Variants in CFAP299 observed in about 807,000 individuals in gnomAD.
The protein encoded by CFAP299 is cilia and flagella associated protein 299, also known as cilia- and flagella-associated protein 299.
A neutral mutation model predicts 27.0 loss-of-function variants in CFAP299; 21 were observed. The ratio of observed to expected loss-of-function variants is 0.78; its 90% CI spans 0.55 to 1.12. The LOEUF (loss-of-function observed/expected upper bound fraction) is 1.12, where lower values mean the gene tolerates loss of function less well. Ranked by LOEUF, CFAP299 falls within the 50% of genes most tolerant of loss-of-function variation. The pLI is 0.00. For missense variants in CFAP299, 310 were observed against 276.6 expected (o/e 1.12, Z -0.86); for synonymous variants, 104 against 98.1 (o/e 1.06, Z -0.36).
At chr4:80,696,768 A>T (rs757376936) in intron 3 of CFAP299, among the ~76,000 whole-genome samples, 10 of 152,202 alleles carry the variant, frequency 6.6e-5, no homozygotes, top group Non-Finnish European at 1.3e-4. Flanking sequence ...AACAATGGAA[A>T]GTACGAAGAC....
chr4:80,472,151 A>G (rs1321776818), intron 2 of CFAP299, among the ~76,000 whole-genome samples: 1 of 152,198 alleles, frequency 6.6e-6, no homozygotes, highest in Non-Finnish European at 1.5e-5. Flanking sequence ...AGTTGTTTTC[A>G]TGTAACTTTT....
At chr4:80,345,893 A>C (rs1375916404) in intron 1 of CFAP299, among the ~76,000 whole-genome samples, 1 of 152,218 alleles carries the variant, frequency 6.6e-6, no homozygotes. Context: ...TCCCACCAAC[A>C]GTGTAAAAGC....
intron 3 of CFAP299, among the ~76,000 whole-genome samples, chr4:80,759,265 C>T (rs1725421126): frequency 6.6e-6 from 1 of 152,022 alleles, no homozygotes. Context: ...ACCTGGTCTT[C>T]AAGGCAATCA....
intron 2 of CFAP299, among the ~76,000 whole-genome samples, chr4:80,575,029 A>G (rs2109859632): frequency 6.6e-6 from 1 of 152,228 alleles, no homozygotes; most frequent in African/African-American, 2.4e-5. Context: ...TAGTTTGAGT[A>G]GGATTGGTAT....
chr4:80,381,047 C>T (rs533577675), intron 2 of CFAP299, among the ~76,000 whole-genome samples: 2 of 152,246 alleles, frequency 1.3e-5, no homozygotes, highest in South Asian at 4.1e-4. Context: ...TCCACTACTT[C>T]AATATGTCAC....
At chr4:80,678,844 C>T (rs1429236330) in intron 3 of CFAP299, among the ~76,000 whole-genome samples, 1 of 152,018 alleles carries the variant, frequency 6.6e-6, no homozygotes, top group Non-Finnish European at 1.5e-5. Flanking sequence ...CCATTGACAA[C>T]ATCTTGTATA....
chr4:80,480,281 A>C (rs1730493566), intron 2 of CFAP299, among the ~76,000 whole-genome samples: 1 of 151,930 alleles, frequency 6.6e-6, no homozygotes, highest in Admixed American at 6.6e-5. Context: ...TTTTTTTTAA[A>C]GAGTTTATTT....
At chr4:80,690,835 G>C (rs998867890) in intron 3 of CFAP299, among the ~76,000 whole-genome samples, 108 of 150,154 alleles carry the variant, frequency 7.2e-4, no homozygotes, top group African/African-American at 2.3e-3. Context: ...GAATCAAATA[G>C]ACGCAATAAA....
At chr4:80,470,427 C>G (rs993199771) in intron 2 of CFAP299, among the ~76,000 whole-genome samples, 1 of 151,604 alleles carries the variant, frequency 6.6e-6, no homozygotes, top group Non-Finnish European at 1.5e-5. Context: ...TTTAATAAAT[C>G]AAATTCATGT....
rs1018223399 is a variant in CFAP299 at position 80,708,122 on chromosome 4, G to A, written c.333+124939G>A. Among the ~76,000 whole-genome samples, 4 of 151,998 alleles carry A rather than the reference G, an allele frequency of 2.6e-5. No individual in the cohort carries two copies. In the East Asian group the frequency reaches 7.7e-4, roughly 29 times the overall value. ...ATATCCAGGCTGCATCGGTTCAACA[G>A]CAAGTGCAACTCTTGGCATGTTTTC... On this transcript the variant is annotated intron_variant, in intron 3 of 5. Coordinates refer to ENST00000358105, the MANE Select transcript of CFAP299 (RefSeq NM_152770.3).
At chr4:80,793,959 A>ACC (rs1460431683) in intron 3 of CFAP299, among the ~76,000 whole-genome samples, 2 of 152,162 alleles carry the variant, frequency 1.3e-5, no homozygotes, top group East Asian at 3.9e-4. Context: ...AATGACCCAA[A>ACC]CCTTCATTCC....
intron 2 of CFAP299, among the ~76,000 whole-genome samples, chr4:80,530,301 C>T (rs2110186385): frequency 1.3e-5 from 2 of 152,130 alleles, no homozygotes; most frequent in South Asian, 2.1e-4. Flanking sequence ...AAATATTATA[C>T]ATTTTATATG....
At chr4:80,651,761 T>A (rs945888794) in intron 3 of CFAP299, among the ~76,000 whole-genome samples, 3 of 150,064 alleles carry the variant, frequency 2.0e-5, no homozygotes, top group African/African-American at 7.4e-5. Flanking sequence ...TGGTGGACTA[T>A]AATAAATAGG....
chr4:80,406,364 T>C (rs1179026532), intron 2 of CFAP299, among the ~76,000 whole-genome samples: 20 of 152,150 alleles, frequency 1.3e-4, no homozygotes. Context: ...AAACCTTTTT[T>C]AAGTGTAATT....
At chr4:80,553,465 C>G (rs1355187492) in intron 2 of CFAP299, among the ~76,000 whole-genome samples, 1 of 152,170 alleles carries the variant, frequency 6.6e-6, no homozygotes, top group Non-Finnish European at 1.5e-5. Flanking sequence ...GCAGTAAAAA[C>G]ACTGTCGTGT....
chr4:80,552,499 T>C (rs949529779), intron 2 of CFAP299, among the ~76,000 whole-genome samples: 3 of 152,150 alleles, frequency 2.0e-5, no homozygotes, highest in Non-Finnish European at 2.9e-5. Flanking sequence ...AAATGAGTGG[T>C]TTATTTTATT....
intron 4 of CFAP299, among the ~76,000 whole-genome samples, chr4:80,937,036 T>C (rs971384220): frequency 6.6e-6 from 1 of 151,990 alleles, no homozygotes; most frequent in African/African-American, 2.4e-5. Context: ...TCCAATGATA[T>C]AAGTGGGGTG....
chr4:80,744,537 C>T (rs977673510), intron 3 of CFAP299, among the ~76,000 whole-genome samples: 1 of 151,996 alleles, frequency 6.6e-6, no homozygotes, highest in African/African-American at 2.4e-5. Context: ...GTGACTTATT[C>T]TCTGCAGGTG....
chr4:80,614,963 T>C (rs1436029868), intron 3 of CFAP299, among the ~76,000 whole-genome samples: 1 of 151,986 alleles, frequency 6.6e-6, no homozygotes, highest in African/African-American at 2.4e-5. Flanking sequence ...TTCCCATTTT[T>C]TCACAGATAC....
Sources: gnomAD v4.1 joint callset for allele counts (sites outside exome capture counted in the v4.1 genomes callset) on GRCh38, gnomAD v4.1.1 for gene constraint, MANE v1.5 for transcripts, NCBI Gene and HGNC (gene_info 2026-07-23, HGNC 2026-07-21) for gene names.